Variants in NRXN3 observed in about 807,000 individuals in gnomAD.
The protein encoded by NRXN3 is neurexin III.
A neutral mutation model predicts 137.6 loss-of-function variants in NRXN3; 32 were observed. That is an observed-to-expected ratio of 0.23 (90% CI 0.18 to 0.31). The LOEUF (loss-of-function observed/expected upper bound fraction) is 0.31, where lower values mean the gene tolerates loss of function less well. NRXN3 is among the 10% of genes least tolerant of loss of function. The pLI is 1.00. For synonymous variants in NRXN3, 798 were observed against 784.5 expected (o/e 1.02, Z -0.29); for missense variants, 1,574 against 2,062.5 (o/e 0.76, Z 4.59).
intron 15 of NRXN3, among the ~76,000 whole-genome samples, chr14:79,172,735 T>C (rs925580969): frequency 5.9e-5 from 9 of 152,210 alleles, no homozygotes; most frequent in Non-Finnish European, 2.9e-5. Flanking sequence ...GTTCTTAAAA[T>C]TCCTATGGAA....
chr14:78,823,335 C>T lies in NRXN3; in HGVS notation c.2275+12991C>T, dbSNP rs563182895. ...TGCTGCAATCCCCGAGGCTCTTCTA[C>T]GCTACCTCTGTGTCCATGCTTTGCT... is the stretch of plus-strand genomic sequence containing the variant. On this transcript the variant is annotated intron_variant, in intron 10 of 20. Coordinates refer to ENST00000335750, the MANE Select transcript of NRXN3 (RefSeq NM_001330195.2). Among the ~76,000 whole-genome samples the T allele has an allele frequency of 4.6e-4, 70 of 152,210 alleles. No individual in the cohort carries two copies. In the South Asian group the frequency reaches 6.9e-3, roughly 15 times the overall value.
At chr14:79,796,207 G>T (rs1479318187) in intron 19 of NRXN3, among the ~76,000 whole-genome samples, 1 of 152,126 alleles carries the variant, frequency 6.6e-6, no homozygotes, top group Non-Finnish European at 1.5e-5. Context: ...TGTGGTTTGG[G>T]TGGGTGATTT....
intron 15 of NRXN3, among the ~76,000 whole-genome samples, chr14:78,996,739 G>A (rs958279201): frequency 1.3e-5 from 2 of 152,112 alleles, no homozygotes; most frequent in African/African-American, 2.4e-5. Flanking sequence ...GCTGAGAGGG[G>A]CAGCATAGCT....
chr14:79,084,366 A>G (rs902519935), intron 15 of NRXN3, among the ~76,000 whole-genome samples: 2 of 152,214 alleles, frequency 1.3e-5, no homozygotes, highest in African/African-American at 4.8e-5. Flanking sequence ...TTACAAAAAT[A>G]AAATTTCAAA....
intron 4 of NRXN3, among the ~76,000 whole-genome samples, chr14:78,511,342 G>A (rs8006053): frequency 0.42 from 63,438 of 151,964 alleles, 13,437 homozygotes; most frequent in East Asian, 0.51. Context: ...AGCATGTAAA[G>A]ATTAATCACA....
At chr14:78,173,228 C>G (rs1038862052) in intron 1 of NRXN3, among the ~76,000 whole-genome samples, 1 of 151,932 alleles carries the variant, frequency 6.6e-6, no homozygotes, top group Non-Finnish European at 1.5e-5. Context: ...TCTGCACCCC[C>G]CTTTCTCTCG....
At chr14:78,271,039 T>C (rs1429730767) in intron 2 of NRXN3, among the ~76,000 whole-genome samples, 4 of 152,236 alleles carry the variant, frequency 2.6e-5, no homozygotes, top group African/African-American at 9.6e-5. Flanking sequence ...GTTTCAACTT[T>C]GTGTCCAATT....
At chr14:78,632,993 T>C (rs2097534714) in intron 4 of NRXN3, among the ~76,000 whole-genome samples, 1 of 151,964 alleles carries the variant, frequency 6.6e-6, no homozygotes, top group African/African-American at 2.4e-5. Flanking sequence ...CCCAGCACTT[T>C]GGGAGGCCGA....
chr14:79,753,161 G>C (rs1188010478), intron 19 of NRXN3, among the ~76,000 whole-genome samples: 1 of 152,028 alleles, frequency 6.6e-6, no homozygotes, highest in African/African-American at 2.4e-5. Context: ...AGTCAGTGTG[G>C]CGATTCCTCA....
At chr14:79,618,123 A>G (rs574416016) in intron 16 of NRXN3, among the ~76,000 whole-genome samples, 4 of 152,238 alleles carry the variant, frequency 2.6e-5, no homozygotes, top group African/African-American at 9.6e-5. Flanking sequence ...GAAGTAAGAT[A>G]ATATTCCTGT....
At chr14:79,197,250 G>T (rs2153196714) in intron 15 of NRXN3, among the ~76,000 whole-genome samples, 1 of 152,298 alleles carries the variant, frequency 6.6e-6, no homozygotes, top group Non-Finnish European at 1.5e-5. Context: ...TGGTAGTCAG[G>T]GGATGAGGTC....
intron 4 of NRXN3, chr14:78,614,841 A>G (rs2097331891): frequency 7.6e-6 from 3 of 396,328 alleles, no homozygotes; most frequent in Non-Finnish European, 1.0e-5. Flanking sequence ...GTGGGCCCTT[A>G]TGATGCAATT....
intron 15 of NRXN3, among the ~76,000 whole-genome samples, chr14:79,375,107 G>C (rs1261588637): frequency 6.6e-6 from 1 of 152,052 alleles, no homozygotes; most frequent in Non-Finnish European, 1.5e-5. Context: ...TACCTTTACG[G>C]AGGTCCAGAG....
intron 8 of NRXN3, among the ~76,000 whole-genome samples, chr14:78,740,514 A>G (rs1388657298): frequency 6.8e-6 from 1 of 147,952 alleles, no homozygotes; most frequent in Non-Finnish European, 1.5e-5. Context: ...GAGCACTTTA[A>G]TTTGCAATTT....
intron 4 of NRXN3, among the ~76,000 whole-genome samples, chr14:78,320,068 G>T (rs751666812): frequency 1.1e-4 from 16 of 152,236 alleles, no homozygotes; most frequent in Non-Finnish European, 2.4e-4. Context: ...TCCAGCTGGC[G>T]GTGGCCTTGG....
intron 15 of NRXN3, among the ~76,000 whole-genome samples, chr14:79,127,520 G>C (rs1378393871): frequency 6.6e-6 from 1 of 152,142 alleles, no homozygotes; most frequent in African/African-American, 2.4e-5. Flanking sequence ...GCTCTGTTCT[G>C]TTCCATTGAT....
At chr14:79,851,630 C>T (rs927350502) in intron 20 of NRXN3, among the ~76,000 whole-genome samples, 1 of 152,110 alleles carries the variant, frequency 6.6e-6, no homozygotes, top group African/African-American at 2.4e-5. Context: ...ACCAGGTGCT[C>T]TCAAGTGTCT....
Position 78,681,281 on chromosome 14 carries a change from C to T in NRXN3, c.1222-27936C>T, listed in dbSNP as rs74066334. ...TAGCATAGCAAGGCCACATCTTCTT[C>T]TGGAGCGGGAGTTAGAATCCACGTG... On this transcript the variant is annotated intron_variant, in intron 6 of 20. Coordinates refer to ENST00000335750, the MANE Select transcript of NRXN3 (RefSeq NM_001330195.2). 7.3e-3 allele frequency among the ~76,000 whole-genome samples: 1,116 copies of T among 152,324 alleles called. 16 individuals carry two copies. The highest frequency in any genetic ancestry group is 0.026 in the African/African-American group (1,072 of 41,576).
At chr14:79,061,426 G>A (rs1453599848) in intron 15 of NRXN3, among the ~76,000 whole-genome samples, 1 of 152,154 alleles carries the variant, frequency 6.6e-6, no homozygotes, top group Admixed American at 6.5e-5. Flanking sequence ...ACCAGGAAGG[G>A]GAGGCAAAAG....
Sources: allele counts gnomAD v4.1 joint callset (sites outside exome capture counted in the v4.1 genomes callset), GRCh38; gene constraint gnomAD v4.1.1; transcripts MANE v1.5; gene names NCBI Gene and HGNC (gene_info 2026-07-23, HGNC 2026-07-21).